The following CTAGE1 variants were observed in gnomAD, a reference collection of about 807,000 sequenced individuals.
The protein encoded by CTAGE1 is cutaneous T cell lymphoma-associated antigen 1, also known as cTAGE family member 2.
For missense variants in CTAGE1, 963 were observed against 855.9 expected (o/e 1.13, Z -1.56); for synonymous variants, 332 against 302.8 (o/e 1.10, Z -1.00).
In CTAGE1 at chr18:22,415,056, T is replaced by C. The variant is rs2034993447; in HGVS notation, c.*518A>G. On this transcript the variant is annotated 3_prime_UTR_variant, in exon 1 of 1. Coordinates refer to ENST00000391403, the MANE Select transcript of CTAGE1 (RefSeq NM_172241.3). ...GTGAAATATTCTAACAGTTACATAG[T>C]ATTCTACCTTCCCACCTGTGCATAT... 1 of 430,534 alleles carries C rather than the reference T, an allele frequency of 2.3e-6. No individual in the cohort carries two copies. The highest frequency in any genetic ancestry group is 5.1e-5 in the South Asian group (1 of 19,758). The allele number at this position is 430,534 out of a possible 1,614,324, so 26.7% of individuals were successfully genotyped here. A position where few individuals can be genotyped will look rare whatever the true frequency, so the allele number is the denominator to read the frequency against.
rs757348631 is a variant in CTAGE1, at chr18:22,417,679, C to G, written c.133G>C (p.Glu45Gln). Residue 45 changes from glutamate to glutamine, a missense_variant, in exon 1 of 1, where the codon GAG becomes CAG. Transcript: ENST00000391403. ...GAAAGTGCCACAGCAAACTTTTTCT[C>G]TCTTCTCACATAAAGCCGACTCGTA... ...SVTSRLYVRREKKFAVALSGL... is the reference protein window; with the variant it reads ...SVTSRLYVRRQKKFAVALSGL... 2 of 1,613,952 alleles carry G rather than the reference C, an allele frequency of 1.2e-6. No homozygotes were observed. Among genetic ancestry groups the G allele is most frequent in the Admixed American group, 1.7e-5 (1 of 60,000 alleles).
rs1194177055 is a variant in CTAGE1, at chr18:22,417,696, C to T, written c.116G>A (p.Arg39Gln). 6.2e-7 allele frequency: 1 copy of T among 1,613,938 alleles called. No individual in the cohort carries two copies. Among genetic ancestry groups the T allele is most frequent in the South Asian group, 1.1e-5 (1 of 91,076 alleles). The change falls in exon 1 of 1, where the codon CGG becomes CAG. Residue 39 changes from arginine (R) to glutamine (Q), a missense_variant. By Grantham distance (43) the Arg-to-Gln change is conservative. Transcript: ENST00000391403. ...CTTTTTCTCTCTTCTCACATAAAGC[C>T]GACTCGTAACTGATCTAAAACTTCT... ...LWRSFRSVTS[R>Q]LYVRREKKFA... is the part of the protein sequence containing the mutation.
rs374665588 is a variant in CTAGE1 at position 22,417,062 on chromosome 18, C to A, written c.750G>T (p.Met250Ile). Reference protein sequence around the residue: ...RLLKMKDGVAMLEEDVTDDDN... With the variant: ...RLLKMKDGVAILEEDVTDDDN... ...CATCATCCGTTACATCTTCTTCAAG[C>A]ATAGCAACCCCATCTTTCATCTTTA... Residue 250 changes from methionine to isoleucine, a missense_variant, in exon 1 of 1, where the codon ATG (methionine) becomes ATT (isoleucine). Transcript: ENST00000391403. 8 of 1,613,860 alleles carry A rather than the reference C, an allele frequency of 5.0e-6. No individual in the cohort carries two copies. In the African/African-American group the frequency reaches 1.1e-4, roughly 22 times the overall value.
Position 22,417,670 on chromosome 18 carries a change from A to G in CTAGE1, c.142T>C (p.Phe48Leu), listed in dbSNP as rs1444267322. ...SRLYVRREKK[F>L]AVALSGLIEE... is the part of the protein sequence containing the mutation. ...ATTAGTCCAGAAAGTGCCACAGCAA[A>G]CTTTTTCTCTCTTCTCACATAAAGC... is the stretch of plus-strand genomic sequence containing the variant. Residue 48 changes from phenylalanine (F) to leucine (L), a missense_variant, in exon 1 of 1, where the codon TTT becomes CTT. Transcript: ENST00000391403. The G allele has an allele frequency of 6.2e-7, 1 of 1,614,082 alleles. No homozygotes were observed. Among genetic ancestry groups the G allele is most frequent in the South Asian group, 1.1e-5 (1 of 91,078 alleles).
Position 22,415,334 on chromosome 18 carries a change from A to T in CTAGE1, c.*240T>A. ...ATGAAATAATTTACTCATAAGATTC[A>T]TATTTAAATCATCCTCATTTACAAA... On this transcript the variant is annotated 3_prime_UTR_variant, in exon 1 of 1. Coordinates refer to ENST00000391403, the MANE Select transcript of CTAGE1 (RefSeq NM_172241.3). 2.2e-6 allele frequency: 1 copy of T among 454,410 alleles called. No individual in the cohort carries two copies. Among genetic ancestry groups the T allele is most frequent in the Non-Finnish European group, 3.9e-6 (1 of 257,224 alleles). The allele number at this position is 454,410 out of a possible 1,614,324, so 28.1% of individuals were successfully genotyped here. A position where few individuals can be genotyped will look rare whatever the true frequency, so the allele number is the denominator to read the frequency against.
chr18:22,416,464 T>C lies in CTAGE1; in HGVS notation c.1348A>G (p.Asn450Asp). The change falls in exon 1 of 1, where the codon AAT (asparagine) becomes GAT (aspartate). Residue 450 changes from asparagine to aspartate, a missense_variant. Coordinates refer to ENST00000391403, the MANE Select transcript of CTAGE1 (RefSeq NM_172241.3). ...GTTAATTTTTGTCTGTTGTGAGCAT[T>C]TTCTTTCCTTAAATCATTGAGGTTT... is the stretch of plus-strand genomic sequence containing the variant. ...ERNLNDLRKE[N>D]AHNRQKLTEI... 4 of 1,614,060 alleles carry C rather than the reference T, an allele frequency of 2.5e-6. No homozygotes were observed. The highest frequency in any genetic ancestry group is 3.4e-6 in the Non-Finnish European group (4 of 1,179,986).
At position 22,415,506 on chromosome 18, in the gene CTAGE1, C is replaced by A; in HGVS notation, c.*68G>T. 7.8e-7 allele frequency: 1 copy of A among 1,289,968 alleles called. No homozygotes were observed. The highest frequency in any genetic ancestry group is 1.1e-6 in the Non-Finnish European group (1 of 926,368). 79.9% of individuals were successfully genotyped at this position (1,289,968 alleles called of 1,614,324 possible). A position where few individuals can be genotyped will look rare whatever the true frequency, so the allele number is the denominator to read the frequency against. On this transcript the variant is annotated 3_prime_UTR_variant, in exon 1 of 1. Coordinates refer to ENST00000391403, the MANE Select transcript of CTAGE1 (RefSeq NM_172241.3). ...AACATGTTGTTAGGTTTCTTGCTGT[C>A]GTTCTGGATGTTCAGCAGCAGGCTC...
In CTAGE1 at chr18:22,416,608, G is replaced by T. The variant is rs371606599; in HGVS notation, c.1204C>A (p.Arg402=). ...TCTTTAAGATCTTTGGCTCGCTTTC[G>T]GTAGGTCTCCAGCTCTTCAGTGGCA... is the stretch of plus-strand genomic sequence containing the variant. ...SHATEELETY[R]KRAKDLKEFE... Residue 402 remains arginine, a synonymous_variant, in exon 1 of 1, where the codon CGA becomes AGA. Transcript: ENST00000391403. The T allele has an allele frequency of 2.8e-4, 444 of 1,611,246 alleles. No individual in the cohort carries two copies. The highest frequency in any genetic ancestry group is 3.4e-4 in the Non-Finnish European group (403 of 1,179,502).
In CTAGE1 at chr18:22,417,820, T is replaced by A; in HGVS notation, c.-9A>T. 1 of 1,614,058 alleles carries A rather than the reference T, an allele frequency of 6.2e-7. No homozygotes were observed. Among genetic ancestry groups the A allele is most frequent in the South Asian group, 1.1e-5 (1 of 91,080 alleles). On this transcript the variant is annotated 5_prime_UTR_variant, in exon 1 of 1. Transcript: ENST00000391403. ...TGAGAATCGGGTCTCATACCTTCAG[T>A]CAGTGCTGCCACAACCCTGCGTAGC...
Position 22,417,366 on chromosome 18 carries a change from T to G in CTAGE1, c.446A>C (p.Glu149Ala), listed in dbSNP as rs763137438. 2.5e-6 allele frequency: 4 copies of G among 1,614,014 alleles called. No individual in the cohort carries two copies. The highest frequency in any genetic ancestry group is 1.7e-6 in the Non-Finnish European group (2 of 1,179,866). Residue 149 changes from glutamate to alanine, a missense_variant, in exon 1 of 1, where the codon GAG (glutamate) becomes GCG (alanine). Glu to Ala is a moderately radical substitution (Grantham distance 107). Transcript: ENST00000391403. ...TACTTGTGATTTGAGGGATTTTGAC[T>G]CATCTTCTAGCGACTGTATCCTTTT... ...ISKRIQSLED[E>A]SKSLKSQVAE...
chr18:22,415,020 C>G lies in CTAGE1; in HGVS notation c.*554G>C. ...TATAAGACAGGAGATCCAAGATCAT[C>G]TTGGTTTAAAGTGAAATATTCTAAC... On this transcript the variant is annotated 3_prime_UTR_variant, in exon 1 of 1. Transcript: ENST00000391403. The G allele has an allele frequency of 1.8e-6, 1 of 547,820 alleles. No homozygotes were observed. Among genetic ancestry groups the G allele is most frequent in the East Asian group, 2.9e-5 (1 of 34,274 alleles). The allele number at this position is 547,820 out of a possible 1,614,324, so 33.9% of individuals were successfully genotyped here.
chr18:22,415,621 A>G lies in CTAGE1; in HGVS notation c.2191T>C (p.Tyr731His), dbSNP rs2035000255. The G allele has an allele frequency of 6.2e-7, 1 of 1,613,754 alleles. No individual in the cohort carries two copies. The change falls in exon 1 of 1, where the codon TAC (tyrosine) becomes CAC (histidine). Residue 731 changes from tyrosine (Y) to histidine (H), a missense_variant. Tyr to His is a moderately conservative substitution (Grantham distance 83, BLOSUM62 2). Transcript: ENST00000391403. ...NVYLPRGFLP[Y>H]RPPRPAFFPP... ...AAAAATGCAGGTCTTGGGGGACGGT[A>G]AGGAAGAAAACCTCTCGGTAAATAG...
At position 22,417,777 on chromosome 18, in the gene CTAGE1, C is replaced by G. The variant is rs1226980676; in HGVS notation, c.35G>C (p.Trp12Ser). 2.5e-6 allele frequency: 4 copies of G among 1,614,092 alleles called. No homozygotes were observed. The highest frequency in any genetic ancestry group is 2.5e-6 in the Non-Finnish European group (3 of 1,180,046). Residue 12 changes from tryptophan (W) to serine (S), a missense_variant, in exon 1 of 1, where the codon TGG (tryptophan) becomes TCG (serine). By Grantham distance (177) the Trp-to-Ser change is radical. Transcript: ENST00000391403. The part of the protein sequence containing the change: ...RPDSHPYGFP[W>S]ELVIRAAVAG... Reference sequence around the variant, plus strand: ...AACAGCTGCACGTATCACCAATTCCCATGGAAAACCATAAGGATGAGAATC... The same window carrying G: ...AACAGCTGCACGTATCACCAATTCCGATGGAAAACCATAAGGATGAGAATC...
In CTAGE1 at chr18:22,417,822, A is replaced by G. The variant is rs146499011; in HGVS notation, c.-11T>C. 1,310 of 1,614,072 alleles carry G rather than the reference A, an allele frequency of 8.1e-4. 2 individuals carry two copies. The highest frequency in any genetic ancestry group is 1.0e-3 in the Non-Finnish European group (1,200 of 1,179,912). On this transcript the variant is annotated 5_prime_UTR_variant, in exon 1 of 1. Transcript: ENST00000391403. ...AGAATCGGGTCTCATACCTTCAGTC[A>G]GTGCTGCCACAACCCTGCGTAGCAA...
chr18:22,417,050 A>G lies in CTAGE1; in HGVS notation c.762T>C (p.Asp254=), dbSNP rs1442806306. The change falls in exon 1 of 1, where the codon GAT becomes GAC. Residue 254 remains aspartate (D), a synonymous_variant. Transcript: ENST00000391403. ...MKDGVAMLEE[D]VTDDDNLELE... is the part of the protein sequence containing the mutation. The stretch of plus-strand genomic sequence containing the variant: ...ATTCCAAGTTATCATCATCCGTTAC[A>G]TCTTCTTCAAGCATAGCAACCCCAT... The G allele has an allele frequency of 6.2e-7, 1 of 1,613,954 alleles. No individual in the cohort carries two copies. Among genetic ancestry groups the G allele is most frequent in the East Asian group, 2.2e-5 (1 of 44,868 alleles).
chr18:22,416,700 A>G lies in CTAGE1; in HGVS notation c.1112T>C (p.Ile371Thr), dbSNP rs2035019573. Residue 371 changes from isoleucine (I) to threonine (T), a missense_variant, in exon 1 of 1, where the codon ATA becomes ACA. Physicochemically the swap from Ile to Thr is moderately conservative, Grantham distance 89. Coordinates refer to ENST00000391403, the MANE Select transcript of CTAGE1 (RefSeq NM_172241.3). Reference protein sequence around the residue: ...ENEMKLYRKLIVEEKCRLEKE... With the variant: ...ENEMKLYRKLTVEEKCRLEKE... ...CTCTAACCGGCATTTTTCCTCTACT[A>G]TTAATTTCCTGTAGAGTTTCATTTC... is the stretch of plus-strand genomic sequence containing the variant. The G allele has an allele frequency of 6.8e-6, 11 of 1,613,296 alleles. No individual in the cohort carries two copies. The highest frequency in any genetic ancestry group is 9.3e-6 in the Non-Finnish European group (11 of 1,179,762).
rs1469219386 is a variant in CTAGE1 at position 22,416,857 on chromosome 18, C to A, written c.955G>T (p.Glu319Ter). Residue 319 changes from glutamate to a stop codon, truncating the protein, a stop_gained, in exon 1 of 1, where the codon GAG (glutamate) becomes TAG (stop). Transcript: ENST00000391403. LOFTEE classifies it low-confidence loss of function (END_TRUNC). ...AGATTTTTAATATGCTCTGTAAGCT[C>A]TTCCTTTGTTTTATCAACTTCAGAT... is the stretch of plus-strand genomic sequence containing the variant. ...QLSEVDKTKE[E>*]LTEHIKNLQT... 1 of 1,613,214 alleles carries A rather than the reference C, an allele frequency of 6.2e-7. No homozygotes were observed. The highest frequency in any genetic ancestry group is 8.5e-7 in the Non-Finnish European group (1 of 1,179,782).
rs1426736083 is a variant in CTAGE1 at position 22,413,868 on chromosome 18, A to C, written c.*1706T>G. On this transcript the variant is annotated 3_prime_UTR_variant, in exon 1 of 1. Transcript: ENST00000391403. ...GAAGTGAACAATAAATTAATAAATAAAGCCAAAAATGATTTAGGAACAGTG... is the reference window on the plus strand; with the variant it reads ...GAAGTGAACAATAAATTAATAAATACAGCCAAAAATGATTTAGGAACAGTG... The C allele has an allele frequency of 6.6e-6, 1 of 152,180 alleles. No homozygotes were observed. The highest frequency in any genetic ancestry group is 1.9e-4 in the East Asian group (1 of 5,192). The allele number at this position is 152,180 out of a possible 1,614,324, so 9.4% of individuals were successfully genotyped here.
rs949817313 is a variant in CTAGE1, at chr18:22,416,351, T to C, written c.1461A>G (p.Pro487=). 17 of 1,613,876 alleles carry C rather than the reference T, an allele frequency of 1.1e-5. No individual in the cohort carries two copies. In the East Asian group the frequency reaches 3.1e-4, roughly 30 times the overall value. ...PNTAFGRQHS[P]YGPSPLGWPS... ...GCCAACCCAATGGTGAGGGACCATA[T>C]GGGGAATGCTGTCTGCCAAATGCTG... is the stretch of plus-strand genomic sequence containing the variant. Residue 487 remains proline, a synonymous_variant, in exon 1 of 1, where the codon CCA becomes CCG. Transcript: ENST00000391403.
Sources: allele counts gnomAD v4.1 joint callset, GRCh38; gene constraint gnomAD v4.1.1; transcripts MANE v1.5; gene names NCBI Gene and HGNC (gene_info 2026-07-23, HGNC 2026-07-21).